Variants in MAGI2 observed in about 807,000 individuals in gnomAD.
The protein encoded by MAGI2 is membrane associated guanylate kinase, WW and PDZ domain containing 2.
MAGI2 carries 35 observed loss-of-function variants against 133.3 expected under a neutral mutation model. That is an observed-to-expected ratio of 0.26 (90% CI 0.20 to 0.35). The LOEUF (loss-of-function observed/expected upper bound fraction) is 0.35. Among genes scored for constraint, MAGI2 ranks in the 10% least tolerant of loss-of-function variants. MAGI2 has a pLI of 1.00. For missense variants in MAGI2, 1,636 were observed against 1,863.4 expected (o/e 0.88, Z 2.25); for synonymous variants, 729 against 710.6 (o/e 1.03, Z -0.41).
At chr7:79,190,481 A>T (rs1827555009) in intron 1 of MAGI2, among the ~76,000 whole-genome samples, 1 of 151,814 alleles carries the variant, frequency 6.6e-6, no homozygotes, top group East Asian at 1.9e-4. Flanking sequence ...TTGTTTTATT[A>T]TTGTGAGGTT....
In MAGI2 at chr7:79,171,526, G is replaced by T. The variant is rs1053032236; in HGVS notation, c.302-164320C>A. On this transcript the variant is annotated intron_variant, in intron 1 of 21. Transcript: ENST00000354212. ...CTAAGAAAAGATAATTGCCCATTTT[G>T]GAAATTATATCCCCTCAAAAATTAG... Among the ~76,000 whole-genome samples the T allele has an allele frequency of 2.6e-5, 4 of 151,038 alleles. No homozygotes were observed. The Admixed American group carries it at 2.7e-4, about 10-fold the overall frequency.
chr7:78,653,710 G>A (rs1584975391), intron 2 of MAGI2, among the ~76,000 whole-genome samples: 1 of 151,296 alleles, frequency 6.6e-6, no homozygotes, highest in Non-Finnish European at 1.5e-5. Context: ...AACCACCATG[G>A]CATGTGTACA....
chr7:78,513,027 G>A (rs1401705705), intron 4 of MAGI2, among the ~76,000 whole-genome samples: 1 of 152,076 alleles, frequency 6.6e-6, no homozygotes, highest in Admixed American at 6.5e-5. Context: ...ACTTTGGGGT[G>A]AAAGAAACTG....
chr7:79,416,567 A>G lies in MAGI2; in HGVS notation c.301+36453T>C, dbSNP rs190760047. 3.6e-4 allele frequency among the ~76,000 whole-genome samples: 55 copies of G among 152,104 alleles called. No individual in the cohort carries two copies. In the South Asian group the frequency reaches 5.0e-3, roughly 14 times the overall value. Reference sequence around the variant, plus strand: ...TGTGTACCGAAATATATATGGGGAAATGATATGATGTCTGAGATTTGCTTT... The same window carrying G: ...TGTGTACCGAAATATATATGGGGAAGTGATATGATGTCTGAGATTTGCTTT... On this transcript the variant is annotated intron_variant, in intron 1 of 21. Coordinates refer to ENST00000354212, the MANE Select transcript of MAGI2 (RefSeq NM_012301.4).
intron 1 of MAGI2, among the ~76,000 whole-genome samples, chr7:79,048,803 A>G (rs1812411358): frequency 6.6e-6 from 1 of 152,096 alleles, no homozygotes; most frequent in Non-Finnish European, 1.5e-5. Flanking sequence ...GTGAAATCCT[A>G]TCTCTACTAA....
rs986553183 is a variant in MAGI2, at chr7:78,529,661, G to A, written c.539-8016C>T. Among the ~76,000 whole-genome samples the A allele has an allele frequency of 2.9e-3, 324 of 110,586 alleles. 3 individuals are homozygous for A. The highest frequency in any genetic ancestry group is 0.011 in the African/African-American group (313 of 27,298). The allele number at this position is 110,586 out of a possible 152,430, so 72.5% of individuals were successfully genotyped here. ...TTTTGCTTTTCTTTTCCTTGCTAAA[G>A]GAGATGGTTTTTTTTTTTTTTTTTT... On this transcript the variant is annotated intron_variant, in intron 3 of 21. Transcript: ENST00000354212.
chr7:78,837,586 C>G (rs1791751317), intron 2 of MAGI2, among the ~76,000 whole-genome samples: 1 of 152,018 alleles, frequency 6.6e-6, no homozygotes, highest in Admixed American at 6.6e-5. Context: ...CAGTATATAG[C>G]ATATGTAATA....
At chr7:79,136,249 T>C (rs1367346784) in intron 1 of MAGI2, among the ~76,000 whole-genome samples, 3 of 152,182 alleles carry the variant, frequency 2.0e-5, no homozygotes, top group African/African-American at 2.4e-5. Flanking sequence ...TCCAACACTA[T>C]GTACAAGGTA....
chr7:78,268,044 T>C (rs1405639025), intron 9 of MAGI2, among the ~76,000 whole-genome samples: 9 of 152,152 alleles, frequency 5.9e-5, no homozygotes, highest in Admixed American at 5.9e-4. Context: ...AATATACATG[T>C]AGATAGGTCC....
chr7:78,337,826 C>T lies in MAGI2; in HGVS notation c.1408+5952G>A, dbSNP rs189353626. 3.2e-3 allele frequency among the ~76,000 whole-genome samples: 480 copies of T among 152,286 alleles called. 3 individuals are homozygous for T. The highest frequency in any genetic ancestry group is 5.9e-3 in the Non-Finnish European group (401 of 68,026). On this transcript the variant is annotated intron_variant, in intron 9 of 21. Coordinates refer to ENST00000354212, the MANE Select transcript of MAGI2 (RefSeq NM_012301.4). The stretch of plus-strand genomic sequence containing the variant: ...TCCAATTAGCATTGACTAGGCTATA[C>T]TGTAAAAGAGGAATTCAGCCTATTC...
intron 1 of MAGI2, among the ~76,000 whole-genome samples, chr7:79,210,913 C>A (rs1280143774): frequency 1.3e-5 from 2 of 152,022 alleles, no homozygotes; most frequent in African/African-American, 4.8e-5. Flanking sequence ...TCTCACATGC[C>A]ATGAGTTTGT....
chr7:78,055,952 G>A (rs1193629898), intron 21 of MAGI2, among the ~76,000 whole-genome samples: 1 of 151,976 alleles, frequency 6.6e-6, no homozygotes, highest in Non-Finnish European at 1.5e-5. Context: ...TAATTATTGT[G>A]GTAAAAAACA....
At chr7:79,415,315 T>C (rs1846422951) in intron 1 of MAGI2, 1 of 152,162 alleles carries the variant, frequency 6.6e-6, no homozygotes, top group African/African-American at 2.4e-5. Context: ...TGAGGGAGGC[T>C]GTACTCCTAT....
chr7:79,306,225 AT>A (rs1485486497), intron 1 of MAGI2, among the ~76,000 whole-genome samples: 1 of 146,108 alleles, frequency 6.8e-6, no homozygotes, highest in Non-Finnish European at 1.5e-5. Flanking sequence ...GTGTATATAT[AT>A]TTTATTTATA....
At chr7:79,312,908 C>T (rs1014467087) in intron 1 of MAGI2, among the ~76,000 whole-genome samples, 62 of 152,262 alleles carry the variant, frequency 4.1e-4, no homozygotes, top group African/African-American at 1.4e-3. Flanking sequence ...CTCCACCCAC[C>T]GCCTTCTTCC....
intron 6 of MAGI2, among the ~76,000 whole-genome samples, chr7:78,380,378 T>C (rs866645240): frequency 7.2e-5 from 11 of 152,078 alleles, no homozygotes; most frequent in Non-Finnish European, 1.3e-4. Flanking sequence ...GTAAAGAAGA[T>C]GTGCTATATA....
rs1282212608 is a variant in MAGI2, at chr7:78,117,707, G to GA, written c.3567+7986dup. On this transcript the variant is annotated intron_variant, in intron 20 of 21. Transcript: ENST00000354212. ...AAAAAGAAATAAAAGGACTTAAAGG[G>GA]AAAAAAACCTCAAAACTCTAATTAG... 4.0e-5 allele frequency among the ~76,000 whole-genome samples: 6 copies of GA among 151,788 alleles called. No individual in the cohort carries two copies. The East Asian group carries it at 5.8e-4, about 15-fold the overall frequency.
chr7:78,844,362 A>AT (rs1171640805), intron 2 of MAGI2, among the ~76,000 whole-genome samples: 2 of 151,872 alleles, frequency 1.3e-5, no homozygotes, highest in Admixed American at 6.6e-5. Flanking sequence ...GTGAATGTTC[A>AT]TAGCATCATT....
Position 78,528,193 on chromosome 7 carries a change from T to G in MAGI2, c.539-6548A>C, listed in dbSNP as rs528680054. ...TTGAGAATCATATTTGTTTTTATAG[T>G]TTTATAAATGAAGCAAATAGTTTGA... On this transcript the variant is annotated intron_variant, in intron 3 of 21. Coordinates refer to ENST00000354212, the MANE Select transcript of MAGI2 (RefSeq NM_012301.4). 2.6e-3 allele frequency among the ~76,000 whole-genome samples: 397 copies of G among 152,304 alleles called. 1 individual carries two copies. Among genetic ancestry groups the G allele is most frequent in the African/African-American group, 9.0e-3 (376 of 41,550 alleles).
Sources: gnomAD v4.1 joint callset for allele counts (sites outside exome capture counted in the v4.1 genomes callset) on GRCh38, gnomAD v4.1.1 for gene constraint, MANE v1.5 for transcripts, NCBI Gene and HGNC (gene_info 2026-07-23, HGNC 2026-07-21) for gene names.